SNX30: variants seen among roughly 807,000 people sequenced by gnomAD.
The protein encoded by SNX30 is sorting nexin-30.
In SNX30, 24 loss-of-function variants were observed where a neutral mutation model predicts 46.4. The observed-to-expected ratio is 0.52, with a 90% CI of 0.37 to 0.73. SNX30 has a LOEUF of 0.73. Among genes scored for constraint, SNX30 ranks in the 30% least tolerant of loss-of-function variants. The pLI, the probability that SNX30 is intolerant of heterozygous loss-of-function variation, is 0.00. For synonymous variants in SNX30, 189 were observed against 211.5 expected (o/e 0.89, Z 0.92); for missense variants, 533 against 555.7 (o/e 0.96, Z 0.41).
chr9:112,770,412 C>T (rs1839629936), intron 1 of SNX30, among the ~76,000 whole-genome samples: 1 of 151,940 alleles, frequency 6.6e-6, no homozygotes, highest in East Asian at 2.0e-4. Context: ...ACCTTGTGAT[C>T]TGCCCACCTC....
chr9:112,779,524 G>A (rs62576390), intron 1 of SNX30, among the ~76,000 whole-genome samples: 20 of 151,966 alleles, frequency 1.3e-4, no homozygotes, highest in South Asian at 2.1e-4. Flanking sequence ...GGTGAAACCC[G>A]TCTCTACTAA....
At chr9:112,798,121 C>CTTTTTTTTTTTTT (rs57300324) in intron 1 of SNX30, among the ~76,000 whole-genome samples, 1 of 77,884 alleles carries the variant, frequency 1.3e-5, no homozygotes, top group African/African-American at 5.1e-5. Flanking sequence ...TTTTTTTTTT[C>CTTTTTTTTTTTTT]TTTTTTTTTT....
At chr9:112,768,909 C>T (rs2131361420) in intron 1 of SNX30, among the ~76,000 whole-genome samples, 1 of 152,174 alleles carries the variant, frequency 6.6e-6, no homozygotes, top group East Asian at 1.9e-4. Context: ...CCCACTTCAG[C>T]CTCCCAAAGT....
At chr9:112,819,266 CTTTTTTTTTT>C (rs35138610) in intron 3 of SNX30, among the ~76,000 whole-genome samples, 1 of 117,028 alleles carries the variant, frequency 8.5e-6, no homozygotes, top group South Asian at 2.8e-4. Flanking sequence ...TTCTTTCTTT[CTTTTTTTTTT>C]TTTTTTTTGA....
chr9:112,805,614 A>G (rs755916460), intron 2 of SNX30, among the ~76,000 whole-genome samples: 24 of 152,254 alleles, frequency 1.6e-4, no homozygotes, highest in Middle Eastern at 3.4e-3. Flanking sequence ...GATTATAGGC[A>G]TGTGCCACTA....
intron 7 of SNX30, among the ~76,000 whole-genome samples, chr9:112,855,923 G>C (rs1371575050): frequency 6.6e-5 from 10 of 152,164 alleles, no homozygotes; most frequent in Non-Finnish European, 1.3e-4. Context: ...GGGGGCATCA[G>C]AGCTCTTACA....
intron 7 of SNX30, among the ~76,000 whole-genome samples, chr9:112,861,989 CTG>C (rs1474768783): frequency 6.6e-6 from 1 of 152,242 alleles, no homozygotes; most frequent in Non-Finnish European, 1.5e-5. Context: ...CCCAACTAGA[CTG>C]TAGGTTACGG....
At chr9:112,816,746 T>G (rs1840400930) in intron 2 of SNX30, among the ~76,000 whole-genome samples, 1 of 152,114 alleles carries the variant, frequency 6.6e-6, no homozygotes, top group African/African-American at 2.4e-5. Flanking sequence ...CTTGAAAGAG[T>G]AAATTTATGA....
At chr9:112,758,331 T>G (rs1239776017) in intron 1 of SNX30, among the ~76,000 whole-genome samples, 1 of 150,524 alleles carries the variant, frequency 6.6e-6, no homozygotes, top group African/African-American at 2.4e-5. Context: ...CAAGTTGCGC[T>G]CTCTCTTTTT....
At chr9:112,795,303 CG>C in intron 1 of SNX30, among the ~76,000 whole-genome samples, 1 of 152,082 alleles carries the variant, frequency 6.6e-6, no homozygotes, top group Non-Finnish European at 1.5e-5. Flanking sequence ...ATGAGGACAT[CG>C]GGGCTTAGAT....
intron 1 of SNX30, among the ~76,000 whole-genome samples, chr9:112,782,748 G>C: frequency 6.6e-6 from 1 of 152,230 alleles, no homozygotes; most frequent in East Asian, 1.9e-4. Flanking sequence ...ATTTGGATAA[G>C]AGAGATGTTA....
chr9:112,815,359 C>CTT (rs201531415), intron 2 of SNX30, among the ~76,000 whole-genome samples: 5 of 140,698 alleles, frequency 3.6e-5, no homozygotes, highest in Non-Finnish European at 1.6e-5. Context: ...AATAGTGTAA[C>CTT]TTTTTTTTTT....
chr9:112,771,012 CAAACAAACAAA>C (rs1409617790), intron 1 of SNX30, among the ~76,000 whole-genome samples: 2 of 152,014 alleles, frequency 1.3e-5, no homozygotes, highest in African/African-American at 4.8e-5. Context: ...AACAAATAAA[CAAACAAACAAA>C]AAACAAACTA....
intron 1 of SNX30, among the ~76,000 whole-genome samples, chr9:112,794,319 A>T (rs1840073537): frequency 6.6e-6 from 1 of 151,872 alleles, no homozygotes; most frequent in Non-Finnish European, 1.5e-5. Flanking sequence ...CCCCTGGCTA[A>T]TTTTTGTATT....
downstream of SNX30, chr9:112,875,885 C>T (rs2131529611): frequency 6.6e-6 from 1 of 152,278 alleles, no homozygotes; most frequent in Non-Finnish European, 1.5e-5. Flanking sequence ...CTTCCAGGCC[C>T]AAGCAGTCCC....
Position 112,873,419 on chromosome 9 carries a change from G to A in SNX30, c.*4576G>A, listed in dbSNP as rs1205336042. 11 of 152,154 alleles carry A rather than the reference G, an allele frequency of 7.2e-5. No individual in the cohort carries two copies. The highest frequency in any genetic ancestry group is 2.4e-5 in the African/African-American group (1 of 41,430). 9.4% of individuals were successfully genotyped at this position (152,154 alleles called of 1,614,324 possible). ...TATGCCTTATTCTTCTTCACCTAGT[G>A]TTTTAAAAGTCCTGGGTAGAAAGAG... is the stretch of plus-strand genomic sequence containing the variant. On this transcript the variant is annotated 3_prime_UTR_variant, in exon 9 of 9. Transcript: ENST00000374232.
chr9:112,779,821 C>G (rs1162865002), intron 1 of SNX30, among the ~76,000 whole-genome samples: 1 of 152,200 alleles, frequency 6.6e-6, no homozygotes, highest in African/African-American at 2.4e-5. Flanking sequence ...CTAGTTTTCT[C>G]TCATTCATAC....
At chr9:112,805,091 G>A in intron 2 of SNX30, 124 bp downstream of exon 2, 1 of 564,820 alleles carries the variant, frequency 1.8e-6, no homozygotes, top group Non-Finnish European at 2.9e-6. Flanking sequence ...TTGCAATTGT[G>A]AGTGTGGCTT....
intron 7 of SNX30, among the ~76,000 whole-genome samples, chr9:112,855,216 A>T (rs1320229886): frequency 1.3e-5 from 2 of 149,390 alleles, no homozygotes; most frequent in East Asian, 3.9e-4. Flanking sequence ...TGTTGATGAG[A>T]TTTTTTTTTT....
Sources: allele counts gnomAD v4.1 joint callset (sites outside exome capture counted in the v4.1 genomes callset), GRCh38; gene constraint gnomAD v4.1.1; transcripts MANE v1.5; gene names NCBI Gene and HGNC (gene_info 2026-07-23, HGNC 2026-07-21).